ARHGAP12: variants seen among roughly 807,000 people sequenced by gnomAD.
ARHGAP12 encodes Rho GTPase activating protein 12.
Under a neutral mutation model 108.6 loss-of-function variants are expected in ARHGAP12, and 64 were observed. The ratio of observed to expected loss-of-function variants is 0.59; its 90% CI spans 0.48 to 0.73. ARHGAP12 has a LOEUF of 0.73. Among genes scored for constraint, ARHGAP12 ranks in the 30% least tolerant of loss-of-function variants. The pLI is 0.00. For missense variants in ARHGAP12, 940 were observed against 1,005.9 expected (o/e 0.93, Z 0.89); for synonymous variants, 312 against 337.2 (o/e 0.93, Z 0.82).
intron 3 of ARHGAP12, among the ~76,000 whole-genome samples, chr10:31,864,985 G>A (rs774103972): frequency 1.3e-5 from 2 of 148,880 alleles, no homozygotes; most frequent in African/African-American, 2.6e-5. Context: ...GAGTTAGCCC[G>A]GTAAAAGTTG....
intron 4 of ARHGAP12, among the ~76,000 whole-genome samples, chr10:31,860,274 A>G (rs1370216837): frequency 1.3e-5 from 2 of 152,204 alleles, no homozygotes; most frequent in African/African-American, 4.8e-5. Flanking sequence ...TCTAGATCCT[A>G]TCTACCTGAA....
At chr10:31,919,659 T>C (rs7478074) in intron 1 of ARHGAP12, among the ~76,000 whole-genome samples, 4 of 151,116 alleles carry the variant, frequency 2.6e-5, no homozygotes, top group African/African-American at 9.8e-5. Flanking sequence ...GGCATGGTGG[T>C]GGGTACCTGT....
At chr10:31,859,550 G>T (rs935077799) in intron 4 of ARHGAP12, among the ~76,000 whole-genome samples, 3 of 152,082 alleles carry the variant, frequency 2.0e-5, no homozygotes, top group Non-Finnish European at 2.9e-5. Context: ...CAGCCACTTT[G>T]GAAATATTAA....
intron 3 of ARHGAP12, among the ~76,000 whole-genome samples, chr10:31,885,733 C>G (rs192623199): frequency 6.6e-6 from 1 of 151,744 alleles, no homozygotes; most frequent in South Asian, 2.1e-4. Flanking sequence ...GCACGAGAAT[C>G]GCTTGAACCT....
chr10:31,854,262 GT>G, intron 4 of ARHGAP12, 56 bp from the exon 5 acceptor site: 1 of 1,436,658 alleles, frequency 7.0e-7, no homozygotes, highest in Non-Finnish European at 9.3e-7. Context: ...ATATGAATTG[GT>G]TGAAAATCTA....
chr10:31,900,422 T>G (rs1592358373), intron 3 of ARHGAP12, among the ~76,000 whole-genome samples: 1 of 152,170 alleles, frequency 6.6e-6, no homozygotes, highest in East Asian at 1.9e-4. Flanking sequence ...TGCAGTTTTA[T>G]TAATAACCAA....
At chr10:31,850,839 T>C (rs2132277519) in intron 6 of ARHGAP12, among the ~76,000 whole-genome samples, 1 of 152,254 alleles carries the variant, frequency 6.6e-6, no homozygotes, top group African/African-American at 2.4e-5. Flanking sequence ...CAAGGATAAA[T>C]AAGGTTTTAT....
chr10:31,862,705 G>GACACACACACACACAC (rs559731195), intron 3 of ARHGAP12, among the ~76,000 whole-genome samples: 1 of 133,096 alleles, frequency 7.5e-6, no homozygotes. Context: ...TGCACACACA[G>GACACACACACACACAC]ACACACACAC....
At chr10:31,859,110 T>G (rs1205804162) in intron 4 of ARHGAP12, among the ~76,000 whole-genome samples, 1 of 152,064 alleles carries the variant, frequency 6.6e-6, no homozygotes, top group Non-Finnish European at 1.5e-5. Flanking sequence ...AGTTATTCCC[T>G]CTGAGAAGGG....
At chr10:31,910,881 A>G (rs1213791451) in intron 1 of ARHGAP12, among the ~76,000 whole-genome samples, 1 of 152,234 alleles carries the variant, frequency 6.6e-6, no homozygotes, top group Non-Finnish European at 1.5e-5. Context: ...CATCTCTTCT[A>G]TTATAAAACT....
chr10:31,810,310 C>A (rs1409518051), intron 16 of ARHGAP12, among the ~76,000 whole-genome samples: 34 of 152,072 alleles, frequency 2.2e-4, no homozygotes, highest in Non-Finnish European at 8.8e-5. Context: ...CTCCTCGGAT[C>A]TTATACATTG....
chr10:31,901,667 A>C (rs773586270), intron 3 of ARHGAP12, among the ~76,000 whole-genome samples: 3 of 152,180 alleles, frequency 2.0e-5, no homozygotes, highest in African/African-American at 4.8e-5. Flanking sequence ...CAGTACTATA[A>C]ATACTTTATT....
chr10:31,865,058 T>TG (rs1425869084), intron 3 of ARHGAP12, among the ~76,000 whole-genome samples: 4 of 152,282 alleles, frequency 2.6e-5, no homozygotes, highest in African/African-American at 9.6e-5. Context: ...CAGGGAATGA[T>TG]GCTGACATAC....
intron 3 of ARHGAP12, among the ~76,000 whole-genome samples, chr10:31,862,600 T>G (rs1262829515): frequency 1.3e-5 from 2 of 152,126 alleles, no homozygotes; most frequent in Non-Finnish European, 2.9e-5. Flanking sequence ...ACTGACATTT[T>G]GAGACACAAA....
intron 3 of ARHGAP12, among the ~76,000 whole-genome samples, chr10:31,881,151 A>AAAAAAAAG (rs1044842696): frequency 6.6e-6 from 1 of 152,048 alleles, no homozygotes; most frequent in Non-Finnish European, 1.5e-5. Flanking sequence ...AGTTCCTTAA[A>AAAAAAAAG]AAAAAAAGAA....
At chr10:31,891,250 CTCTT>C (rs1317636401) in intron 3 of ARHGAP12, among the ~76,000 whole-genome samples, 5 of 152,154 alleles carry the variant, frequency 3.3e-5, no homozygotes, top group African/African-American at 1.2e-4. Flanking sequence ...AATGAATAAA[CTCTT>C]TCTATGAATA....
At chr10:31,910,293 CCTA>C (rs1385188201) in intron 2 of ARHGAP12, among the ~76,000 whole-genome samples, 6 of 152,160 alleles carry the variant, frequency 3.9e-5, no homozygotes, top group Non-Finnish European at 8.8e-5. Flanking sequence ...TCCATAACAA[CCTA>C]CTAATTTTCT....
intron 13 of ARHGAP12, among the ~76,000 whole-genome samples, chr10:31,816,037 G>C (rs113574134): frequency 0.05 from 7,653 of 152,056 alleles, 644 homozygotes; most frequent in African/African-American, 0.17. Flanking sequence ...TGTTATCCCA[G>C]CTACTTGGGA....
chr10:31,870,421 G>C (rs796301786), intron 3 of ARHGAP12, among the ~76,000 whole-genome samples: 4 of 152,022 alleles, frequency 2.6e-5, no homozygotes, highest in African/African-American at 9.6e-5. Flanking sequence ...GTAGAGACTG[G>C]GTTTCTCCAT....
Sources: allele counts gnomAD v4.1 joint callset (sites outside exome capture counted in the v4.1 genomes callset), GRCh38; gene constraint gnomAD v4.1.1; transcripts MANE v1.5; gene names NCBI Gene and HGNC (gene_info 2026-07-23, HGNC 2026-07-21).